TNRC6B: variants seen among roughly 807,000 people sequenced by gnomAD.
The protein encoded by TNRC6B is trinucleotide repeat containing adaptor 6B.
A neutral mutation model predicts 203.6 loss-of-function variants in TNRC6B; 52 were observed. The observed-to-expected ratio is 0.26, with a 90% CI of 0.20 to 0.32. The LOEUF (loss-of-function observed/expected upper bound fraction) is 0.32, where lower values mean the gene tolerates loss of function less well. Ranked by LOEUF, TNRC6B falls within the 10% of genes least tolerant of loss-of-function variation. The pLI, the probability that TNRC6B is intolerant of heterozygous loss-of-function variation, is 1.00. For missense variants in TNRC6B, 1,923 were observed against 2,286.2 expected (o/e 0.84, Z 3.24); for synonymous variants, 838 against 845.7 (o/e 0.99, Z 0.16).
chr22:40,104,924 C>G (rs2068270166), intron 1 of TNRC6B, among the ~76,000 whole-genome samples: 1 of 152,230 alleles, frequency 6.6e-6, no homozygotes, highest in Non-Finnish European at 1.5e-5. Context: ...ACCAATCAGT[C>G]TGGCTCTGGA....
intron 4 of TNRC6B, among the ~76,000 whole-genome samples, chr22:40,169,847 G>C (rs184724310): frequency 2.3e-4 from 35 of 152,180 alleles, no homozygotes; most frequent in Admixed American, 1.4e-3. Flanking sequence ...TAAATACGTA[G>C]ACATATCCCA....
chr22:40,152,608 G>A (rs1391123909), intron 3 of TNRC6B, among the ~76,000 whole-genome samples: 5 of 151,976 alleles, frequency 3.3e-5, no homozygotes, highest in African/African-American at 7.2e-5. Context: ...GATTACAGGC[G>A]TGAGCCATCG....
At chr22:40,304,291 G>T (rs558338182) in intron 15 of TNRC6B, among the ~76,000 whole-genome samples, 1 of 152,210 alleles carries the variant, frequency 6.6e-6, no homozygotes, top group African/African-American at 2.4e-5. Context: ...TAAAACAGAT[G>T]GTTTCTAATT....
chr22:40,326,866 A>G lies in TNRC6B; in HGVS notation c.*3625A>G, dbSNP rs934601134. 2.0e-5 allele frequency: 3 copies of G among 152,602 alleles called. No individual in the cohort carries two copies. Among genetic ancestry groups the G allele is most frequent in the Non-Finnish European group, 4.4e-5 (3 of 68,030 alleles). The allele number at this position is 152,602 out of a possible 1,614,324, so 9.5% of individuals were successfully genotyped here. A position where few individuals can be genotyped will look rare whatever the true frequency, so the allele number is the denominator to read the frequency against. ...TCCGTTTGTTTTGGGAGGAGGAGAA[A>G]ATATAGAAGAATCTAATAAGGAACA... On this transcript the variant is annotated 3_prime_UTR_variant, in exon 23 of 23. Coordinates refer to ENST00000454349, the MANE Select transcript of TNRC6B (RefSeq NM_001162501.2).
At chr22:40,114,559 C>A (rs2068370211) in intron 1 of TNRC6B, among the ~76,000 whole-genome samples, 1 of 152,102 alleles carries the variant, frequency 6.6e-6, no homozygotes, top group African/African-American at 2.4e-5. Flanking sequence ...CTGAGCTTAA[C>A]TGATCCTCCT....
At chr22:40,300,349 A>G (rs1271915684) in intron 12 of TNRC6B, 106 bp from the exon 13 acceptor site, 4 of 1,126,210 alleles carry the variant, frequency 3.6e-6, no homozygotes, top group African/African-American at 1.6e-5. Flanking sequence ...AAGTTTGACA[A>G]CTCTTGCTTT....
chr22:40,309,376 C>T (rs1329429332), intron 16 of TNRC6B, among the ~76,000 whole-genome samples: 2 of 152,192 alleles, frequency 1.3e-5, no homozygotes, highest in African/African-American at 4.8e-5. Context: ...CCTGGCAGGC[C>T]CCAGCCCCAG....
intron 5 of TNRC6B, among the ~76,000 whole-genome samples, chr22:40,268,975 T>A (rs966895231): frequency 1.3e-5 from 2 of 151,246 alleles, no homozygotes; most frequent in African/African-American, 2.4e-5. Context: ...TTCCCAAAGG[T>A]AATCTCTTAG....
intron 1 of TNRC6B, among the ~76,000 whole-genome samples, chr22:40,075,156 A>ATATATTTTTTTTTTTT: frequency 2.8e-5 from 1 of 35,566 alleles, no homozygotes; most frequent in African/African-American, 1.0e-4. Context: ...ATATATATAT[A>ATATATTTTTTTTTTTT]TTTTTTTTTT....
At chr22:40,145,803 C>T (rs565135995) in intron 3 of TNRC6B, among the ~76,000 whole-genome samples, 75 of 151,950 alleles carry the variant, frequency 4.9e-4, no homozygotes, top group Non-Finnish European at 4.4e-5. Flanking sequence ...GATCACATCA[C>T]TATGCTCCAG....
intron 3 of TNRC6B, among the ~76,000 whole-genome samples, chr22:40,254,886 C>CA (rs572960149): frequency 2.6e-4 from 40 of 151,144 alleles, no homozygotes; most frequent in African/African-American, 7.8e-4. Flanking sequence ...GACTCTGTCT[C>CA]AAAAAAAACA....
At chr22:40,304,726 T>C (rs1281498933) in intron 15 of TNRC6B, among the ~76,000 whole-genome samples, 1 of 152,228 alleles carries the variant, frequency 6.6e-6, no homozygotes, top group Non-Finnish European at 1.5e-5. Context: ...AGAAAATGCA[T>C]TTCTGATAAA....
intron 1 of TNRC6B, among the ~76,000 whole-genome samples, chr22:40,191,073 G>T (rs1191324724): frequency 1.3e-5 from 2 of 152,152 alleles, no homozygotes; most frequent in Non-Finnish European, 2.9e-5. Flanking sequence ...GAAGAGGAAG[G>T]GAATGGGAAA....
At position 40,285,635 on chromosome 22, in the gene TNRC6B, C is replaced by G. The variant is rs766647833; in HGVS notation, c.3583-10C>G. 1.9e-6 allele frequency: 3 copies of G among 1,606,350 alleles called. No individual in the cohort carries two copies. Among genetic ancestry groups the G allele is most frequent in the Non-Finnish European group, 2.5e-6 (3 of 1,177,916 alleles). On this transcript the variant is annotated splice_polypyrimidine_tract_variant and intron_variant, in intron 11 of 22. Transcript: ENST00000454349. ...AACAAAAAGCCTTACTGCTGCTTTTCTGTTTACAGGGCGGTAGTCATGGTT... is the reference window on the plus strand; with the variant it reads ...AACAAAAAGCCTTACTGCTGCTTTTGTGTTTACAGGGCGGTAGTCATGGTT...
intron 1 of TNRC6B, among the ~76,000 whole-genome samples, chr22:40,051,172 G>T (rs2067741363): frequency 6.6e-6 from 1 of 151,998 alleles, no homozygotes; most frequent in Non-Finnish European, 1.5e-5. Context: ...GTCTCCTCTG[G>T]GACTTGATCT....
intron 1 of TNRC6B, among the ~76,000 whole-genome samples, chr22:40,223,775 C>A (rs138036): frequency 0.32 from 48,781 of 152,094 alleles, 9,582 homozygotes; most frequent in East Asian, 0.57. Flanking sequence ...TCCTGTGATA[C>A]ATACTTAAAA....
intron 12 of TNRC6B, among the ~76,000 whole-genome samples, chr22:40,293,384 G>A (rs1255595196): frequency 6.6e-6 from 1 of 151,776 alleles, no homozygotes; most frequent in Admixed American, 6.6e-5. Context: ...AGTAGAGACA[G>A]GATTTCACAT....
At chr22:40,167,861 C>T (rs1355679171) in intron 4 of TNRC6B, among the ~76,000 whole-genome samples, 1 of 152,010 alleles carries the variant, frequency 6.6e-6, no homozygotes. Flanking sequence ...CAGAGCGAGA[C>T]CTTGTCTCCA....
At chr22:40,263,152 A>G (rs981092124) in intron 4 of TNRC6B, among the ~76,000 whole-genome samples, 1 of 152,202 alleles carries the variant, frequency 6.6e-6, no homozygotes, top group African/African-American at 2.4e-5. Context: ...TCAACTTAAA[A>G]TGTCTTTTGG....
Sources: allele counts gnomAD v4.1 joint callset (sites outside exome capture counted in the v4.1 genomes callset), GRCh38; gene constraint gnomAD v4.1.1; transcripts MANE v1.5; gene names NCBI Gene and HGNC (gene_info 2026-07-23, HGNC 2026-07-21).